Variants in ITCH observed in about 807,000 individuals in gnomAD.
ITCH encodes E3 ubiquitin-protein ligase Itchy homolog.
A neutral mutation model predicts 126.8 loss-of-function variants in ITCH; 28 were observed. The ratio of observed to expected loss-of-function variants is 0.22; its 90% confidence interval spans 0.16 to 0.30. The LOEUF (loss-of-function observed/expected upper bound fraction) is 0.30. ITCH is among the 10% of genes least tolerant of loss of function. The probability of loss-of-function intolerance (pLI) is 1.00; values close to 1 mark genes in which losing one functional copy is unlikely to be tolerated. For missense variants in ITCH, 631 were observed against 1,032.4 expected (o/e 0.61, Z 5.33); for synonymous variants, 342 against 340.0 (o/e 1.01, Z -0.06).
chr20:34,507,936 T>C lies in ITCH; in HGVS notation c.*142T>C. The C allele has an allele frequency of 1.5e-6, 1 of 678,734 alleles. No homozygotes were observed. The highest frequency in any genetic ancestry group is 2.7e-6 in the Non-Finnish European group (1 of 375,342). The allele number at this position is 678,734 out of a possible 1,614,324, so 42.0% of individuals were successfully genotyped here. ...AAGTAAATTAATGTTCTCATTTAGA[T>C]TTATCTCCCAGTGATTTCTACTCAG... On this transcript the variant is annotated 3_prime_UTR_variant, in exon 25 of 25. Coordinates refer to ENST00000374864, the MANE Select transcript of ITCH (RefSeq NM_031483.7).
chr20:34,382,068 T>C lies in ITCH; in HGVS notation c.-21-11723T>C, dbSNP rs552715640. 3.9e-5 allele frequency among the ~76,000 whole-genome samples: 6 copies of C among 152,298 alleles called. No homozygotes were observed. In the East Asian group the frequency reaches 1.2e-3, roughly 29 times the overall value. Reference sequence around the variant, plus strand: ...ATTTTGCCTTCTTTGGAATAGTATTTCTATTCTGTTTCTTTTTGAATTTAA... The same window carrying C: ...ATTTTGCCTTCTTTGGAATAGTATTCCTATTCTGTTTCTTTTTGAATTTAA... On this transcript the variant is annotated intron_variant, in intron 2 of 24. Coordinates refer to ENST00000374864, the MANE Select transcript of ITCH (RefSeq NM_031483.7).
Position 34,507,808 on chromosome 20 carries a change from G to A in ITCH, c.*14G>A, listed in dbSNP as rs1287136344. 2.5e-6 allele frequency: 4 copies of A among 1,592,450 alleles called. No homozygotes were observed. The South Asian group carries it at 3.3e-5, about 13-fold the overall frequency. On this transcript the variant is annotated 3_prime_UTR_variant, in exon 25 of 25. Transcript: ENST00000374864. ...GGACAAGAGTAACTTCTGAGAACTTGCACCATGAATGGGCAAGAACTTATT... is the reference window on the plus strand; with the variant it reads ...GGACAAGAGTAACTTCTGAGAACTTACACCATGAATGGGCAAGAACTTATT...
At chr20:34,373,922 G>T (rs2037737757) in intron 2 of ITCH, among the ~76,000 whole-genome samples, 2 of 148,784 alleles carry the variant, frequency 1.3e-5, no homozygotes, top group Non-Finnish European at 1.5e-5. Context: ...GTCTTGCTTT[G>T]TCGCCAGGCT....
chr20:34,431,059 C>T (rs746017742), intron 7 of ITCH, among the ~76,000 whole-genome samples: 15 of 152,040 alleles, frequency 9.9e-5, no homozygotes, highest in African/African-American at 2.4e-4. Flanking sequence ...ACAGCAGTAT[C>T]GTTCATAGAA....
At position 34,476,247 on chromosome 20, in the gene ITCH, A is replaced by G. The variant is rs1418967746; in HGVS notation, c.1570-1525A>G. The G allele has an allele frequency of 6.2e-6, 5 of 809,704 alleles. No individual in the cohort carries two copies. In the East Asian group the frequency reaches 9.7e-5, roughly 16 times the overall value. The allele number at this position is 809,704 out of a possible 1,614,324, so 50.2% of individuals were successfully genotyped here. On this transcript the variant is annotated intron_variant, in intron 16 of 24. Transcript: ENST00000374864. ...CTTTTCCTTTGGTTGTTAATGTTTC[A>G]CCATCACAGTTTATAAAGTGGACTG...
chr20:34,409,828 C>T (rs772678646), intron 4 of ITCH, among the ~76,000 whole-genome samples: 1 of 151,984 alleles, frequency 6.6e-6, no homozygotes, highest in Non-Finnish European at 1.5e-5. Flanking sequence ...AAGATATTGA[C>T]AGCCATTGAA....
Position 34,438,463 on chromosome 20 carries a change from T to C in ITCH, c.522-11T>C. On this transcript the variant is annotated splice_polypyrimidine_tract_variant and intron_variant, in intron 7 of 24. Transcript: ENST00000374864. ...CCCTCTCCCCCTTCCTTTTCCCCTCTTCTTACCCAGAGTGAGCACAAATGG... is the reference window on the plus strand; with the variant it reads ...CCCTCTCCCCCTTCCTTTTCCCCTCCTCTTACCCAGAGTGAGCACAAATGG... The C allele has an allele frequency of 1.9e-6, 3 of 1,613,996 alleles. No homozygotes were observed. Among genetic ancestry groups the C allele is most frequent in the Non-Finnish European group, 2.5e-6 (3 of 1,179,868 alleles).
intron 20 of ITCH, among the ~76,000 whole-genome samples, chr20:34,487,146 G>GGACT (rs992291176): frequency 1.1e-4 from 17 of 151,282 alleles, no homozygotes; most frequent in Middle Eastern, 3.4e-3. Flanking sequence ...GGAGTAGCTG[G>GGACT]GACTACAGGC....
At chr20:34,436,208 A>C (rs1982985221) in intron 7 of ITCH, among the ~76,000 whole-genome samples, 1 of 152,216 alleles carries the variant, frequency 6.6e-6, no homozygotes, top group African/African-American at 2.4e-5. Flanking sequence ...AAACTTGTCT[A>C]GCACTGAATG....
chr20:34,444,853 G>A (rs969760943), intron 10 of ITCH, among the ~76,000 whole-genome samples: 26 of 152,090 alleles, frequency 1.7e-4, no homozygotes, highest in Admixed American at 3.9e-4. Flanking sequence ...TGGTGGCCAG[G>A]CTGGTCTTGA....
chr20:34,462,252 TA>T, intron 14 of ITCH, 31 bp downstream of exon 14: 2 of 1,604,146 alleles, frequency 1.2e-6, no homozygotes, highest in Non-Finnish European at 1.7e-6. Context: ...AGATTAAGAG[TA>T]AAATACTAGT....
intron 1 of ITCH, among the ~76,000 whole-genome samples, chr20:34,364,724 C>CAAAAAAAAAAAAAAAAA (rs1171765663): frequency 8.8e-5 from 4 of 45,576 alleles, no homozygotes; most frequent in East Asian, 6.4e-4. Context: ...ACTAAAAATA[C>CAAAAAAAAAAAAAAAAA]AAAAAAAAAA....
chr20:34,393,141 A>G (rs2038546020), intron 2 of ITCH, among the ~76,000 whole-genome samples: 1 of 152,024 alleles, frequency 6.6e-6, no homozygotes, highest in Non-Finnish European at 1.5e-5. Context: ...TTGTCAGACG[A>G]TTTTCAGCGA....
Position 34,367,152 on chromosome 20 carries a change from G to T in ITCH, c.-98-2242G>T, listed in dbSNP as rs558877190. On this transcript the variant is annotated intron_variant, in intron 1 of 24. Coordinates refer to ENST00000374864, the MANE Select transcript of ITCH (RefSeq NM_031483.7). ...GAAATTAGAAAGAACTATGTCAGGT[G>T]TAATTTGGAAGAGAACTTGAAGTTT... Among the ~76,000 whole-genome samples the T allele has an allele frequency of 1.1e-4, 16 of 152,280 alleles. No homozygotes were observed. The South Asian group carries it at 3.3e-3, about 32-fold the overall frequency.
rs1445462465 is a variant in ITCH at position 34,447,339 on chromosome 20, AG to A, written c.1140+1879del. Among the ~76,000 whole-genome samples the A allele has an allele frequency of 2.0e-5, 3 of 152,322 alleles. No homozygotes were observed. In the East Asian group the frequency reaches 5.8e-4, roughly 29 times the overall value. On this transcript the variant is annotated intron_variant, in intron 11 of 24. Transcript: ENST00000374864. ...AGCCTATTTTAGTTAACATAGCCAA[AG>A]ATATAAGCTGAAGTGAATTAATTTA...
chr20:34,407,457 C>T (rs569183045), intron 3 of ITCH, among the ~76,000 whole-genome samples: 6 of 152,024 alleles, frequency 3.9e-5, no homozygotes, highest in Non-Finnish European at 7.4e-5. Context: ...TTAGTAGAGA[C>T]GAGGTTTCGC....
intron 2 of ITCH, among the ~76,000 whole-genome samples, chr20:34,380,745 C>G (rs1006913478): frequency 6.6e-6 from 1 of 151,652 alleles, no homozygotes; most frequent in Non-Finnish European, 1.5e-5. Flanking sequence ...GCCACCGGCC[C>G]TGCCCAAGAA....
chr20:34,369,027 A>G (rs1261915684), intron 1 of ITCH, among the ~76,000 whole-genome samples: 1 of 152,146 alleles, frequency 6.6e-6, no homozygotes, highest in Non-Finnish European at 1.5e-5. Flanking sequence ...TGCAGATCTG[A>G]TGTGTTTAAC....
intron 10 of ITCH, among the ~76,000 whole-genome samples, 156 bp downstream of exon 10, chr20:34,442,459 A>G (rs559611359): frequency 6.6e-6 from 1 of 152,332 alleles, no homozygotes; most frequent in African/African-American, 2.4e-5. Context: ...GAAGAGAGCT[A>G]GACAACTGAT....
Sources: gnomAD v4.1 joint callset for allele counts (sites outside exome capture counted in the v4.1 genomes callset) on GRCh38, gnomAD v4.1.1 for gene constraint, MANE v1.5 for transcripts, NCBI Gene and HGNC (gene_info 2026-07-23, HGNC 2026-07-21) for gene names.